Variants in ADCY9 observed in about 807,000 individuals in gnomAD.
ADCY9 encodes adenylate cyclase 9.
A neutral mutation model predicts 101.5 loss-of-function variants in ADCY9; 50 were observed. That is an observed-to-expected ratio of 0.49 (90% confidence interval 0.39 to 0.62). ADCY9 has a LOEUF of 0.62. Ranked by LOEUF, ADCY9 falls within the 20% of genes least tolerant of loss-of-function variation. The probability of loss-of-function intolerance (pLI) is 0.00; values close to 1 mark genes in which losing one functional copy is unlikely to be tolerated. For missense variants in ADCY9, 1,662 were observed against 1,800.4 expected (o/e 0.92, Z 1.39); for synonymous variants, 905 against 769.3 (o/e 1.18, Z -2.92).
chr16:4,004,271 AAAG>A (rs1351699579), intron 3 of ADCY9, among the ~76,000 whole-genome samples: 5 of 151,016 alleles, frequency 3.3e-5, no homozygotes, highest in Admixed American at 1.3e-4. Context: ...AAAAAAAAAA[AAAG>A]AAGCCAACAC....
At chr16:3,988,496 G>A (rs1348325863) in intron 6 of ADCY9, among the ~76,000 whole-genome samples, 1 of 142,118 alleles carries the variant, frequency 7.0e-6, no homozygotes, top group Non-Finnish European at 1.6e-5. Flanking sequence ...TCCAGGGCAG[G>A]TGTGGGGGGT....
At chr16:4,091,025 G>C (rs1250957476) in intron 2 of ADCY9, among the ~76,000 whole-genome samples, 1 of 151,768 alleles carries the variant, frequency 6.6e-6, no homozygotes, top group Non-Finnish European at 1.5e-5. Context: ...GACTGCCACA[G>C]GTAACTTTTT....
chr16:4,035,105 C>T (rs1483661570), intron 2 of ADCY9, among the ~76,000 whole-genome samples: 4 of 152,174 alleles, frequency 2.6e-5, no homozygotes, highest in African/African-American at 9.7e-5. Context: ...GATCACCACC[C>T]TTGCATCTTT....
Position 3,966,954 on chromosome 16 carries a change from G to T in ADCY9, c.2883C>A (p.Asn961Lys). Reference protein sequence around the residue: ...DAVQNFSSERNPCNSSVPRDL... With the variant: ...DAVQNFSSERKPCNSSVPRDL... The stretch of plus-strand genomic sequence containing the variant: ...CACGCGGCACCGAACTATTGCACGG[G>T]TTCCTCTCGGAACTGGAGAGCAAAG... Residue 961 changes from asparagine (N) to lysine (K), a missense_variant, in exon 11 of 11, where the codon AAC becomes AAA. Asn to Lys is a moderately conservative substitution (Grantham distance 94, BLOSUM62 0). Around this residue, in one of 5 missense-constraint regions of ADCY9, gnomAD observed 624 missense variants for 639.1 expected, o/e 0.98. Coordinates refer to ENST00000294016, the MANE Select transcript of ADCY9 (RefSeq NM_001116.4). The T allele has an allele frequency of 6.2e-7, 1 of 1,611,518 alleles. No individual in the cohort carries two copies.
chr16:4,000,728 C>T (rs2056323836), intron 3 of ADCY9, among the ~76,000 whole-genome samples: 1 of 151,988 alleles, frequency 6.6e-6, no homozygotes. Flanking sequence ...AATCCCTTAG[C>T]CCTAAAGGAC....
chr16:4,091,697 T>A (rs2056974642), intron 2 of ADCY9, among the ~76,000 whole-genome samples: 1 of 152,162 alleles, frequency 6.6e-6, no homozygotes, highest in South Asian at 2.1e-4. Context: ...AGCGAGAGAA[T>A]CCAGACACAC....
At chr16:3,969,790 A>G (rs1256917477) in intron 10 of ADCY9, among the ~76,000 whole-genome samples, 1 of 146,898 alleles carries the variant, frequency 6.8e-6, no homozygotes, top group African/African-American at 2.5e-5. Flanking sequence ...AATTTTTTGA[A>G]CTTTTTGTAG....
At chr16:4,023,151 A>G (rs2002487) in intron 2 of ADCY9, among the ~76,000 whole-genome samples, 122,577 of 152,244 alleles carry the variant, frequency 0.81, 50,001 homozygotes, top group Non-Finnish European at 0.87. Context: ...ACATAATAAG[A>G]AACAAGAAGT....
chr16:4,035,998 CAAAAAA>C (rs55792873), intron 2 of ADCY9, among the ~76,000 whole-genome samples: 11 of 23,168 alleles, frequency 4.7e-4, no homozygotes, highest in Non-Finnish European at 5.8e-4. Flanking sequence ...AACTCCATCT[CAAAAAA>C]AAAAAAAAAA....
chr16:4,103,809 C>T lies in ADCY9; in HGVS notation c.1693+9941G>A, dbSNP rs551947635. Among the ~76,000 whole-genome samples, 577 of 151,906 alleles carry T rather than the reference C, an allele frequency of 3.8e-3. 3 individuals carry two copies. Among genetic ancestry groups the T allele is most frequent in the Non-Finnish European group, 6.4e-3 (435 of 67,956 alleles). On this transcript the variant is annotated intron_variant, in intron 2 of 10. Coordinates refer to ENST00000294016, the MANE Select transcript of ADCY9 (RefSeq NM_001116.4). ...TCACACCACTGCACTCCAGCCCGGG[C>T]GACAGAGCGAGACTCTGTCACAAAA...
chr16:3,972,830 T>TG (rs972085076), intron 10 of ADCY9, among the ~76,000 whole-genome samples: 3 of 151,984 alleles, frequency 2.0e-5, no homozygotes, highest in African/African-American at 7.3e-5. Flanking sequence ...CTCTACTTCT[T>TG]GGTCTGGGTG....
downstream of ADCY9, among the ~76,000 whole-genome samples, chr16:3,958,262 C>T (rs564019012): frequency 4.9e-4 from 74 of 152,264 alleles, no homozygotes; most frequent in Admixed American, 1.1e-3. Context: ...AATGGATGGG[C>T]CGGGCACGGT....
downstream of ADCY9, among the ~76,000 whole-genome samples, chr16:3,960,895 G>A (rs905501465): frequency 2.0e-5 from 3 of 152,160 alleles, no homozygotes; most frequent in East Asian, 1.9e-4. Flanking sequence ...TGTCCATTGC[G>A]TGCAAGTGTG....
intron 2 of ADCY9, among the ~76,000 whole-genome samples, chr16:4,092,928 A>G (rs1006845283): frequency 6.6e-6 from 1 of 152,258 alleles, no homozygotes; most frequent in African/African-American, 2.4e-5. Context: ...AGAAGCCAAA[A>G]AAATTATTTT....
intron 2 of ADCY9, among the ~76,000 whole-genome samples, chr16:4,038,618 T>C (rs1391860173): frequency 2.0e-5 from 3 of 152,140 alleles, no homozygotes; most frequent in Non-Finnish European, 2.9e-5. Context: ...CTGTACACTC[T>C]TTGCAGTATG....
At chr16:3,960,921 G>A (rs117821789), downstream of ADCY9, among the ~76,000 whole-genome samples, 302 of 152,210 alleles carry the variant, frequency 2.0e-3, 2 homozygotes, top group Middle Eastern at 3.4e-3. Flanking sequence ...TTTCTTAATC[G>A]CTTCCTCTTG....
At chr16:4,106,768 T>G (rs2057080144) in intron 2 of ADCY9, among the ~76,000 whole-genome samples, 1 of 152,190 alleles carries the variant, frequency 6.6e-6, no homozygotes, top group Non-Finnish European at 1.5e-5. Flanking sequence ...TAATGTGGGT[T>G]GGTTGGTTGG....
At chr16:4,060,503 C>T (rs539371639) in intron 2 of ADCY9, among the ~76,000 whole-genome samples, 1 of 152,206 alleles carries the variant, frequency 6.6e-6, no homozygotes, top group Non-Finnish European at 1.5e-5. Flanking sequence ...ATATCCACCG[C>T]AAACTGTGAA....
chr16:4,094,206 C>T (rs1269966559), intron 2 of ADCY9, among the ~76,000 whole-genome samples: 1 of 151,306 alleles, frequency 6.6e-6, no homozygotes, highest in African/African-American at 2.4e-5. Context: ...AGTTTTTAAC[C>T]TCCTGCAGTT....
Sources: allele counts gnomAD v4.1 joint callset (sites outside exome capture counted in the v4.1 genomes callset), GRCh38; gene constraint gnomAD v4.1.1; regional missense constraint gnomAD v4.1.1; transcripts MANE v1.5; gene names NCBI Gene and HGNC (gene_info 2026-07-23, HGNC 2026-07-21).